The following CAMKMT variants were observed in gnomAD, a reference collection of about 807,000 sequenced individuals.
The protein encoded by CAMKMT is calmodulin-lysine N-methyltransferase.
Under a neutral mutation model 48.0 loss-of-function variants are expected in CAMKMT, and 53 were observed. The observed-to-expected ratio is 1.10, with a 90% CI of 0.89 to 1.39. The LOEUF (loss-of-function observed/expected upper bound fraction) is 1.39, where lower values mean the gene tolerates loss of function less well. CAMKMT is among the 40% of genes most tolerant of loss of function. The probability of loss-of-function intolerance (pLI) is 0.00; values close to 1 mark genes in which losing one functional copy is unlikely to be tolerated. For synonymous variants in CAMKMT, 165 were observed against 152.3 expected, an observed-to-expected ratio of 1.08 and a Z score of -0.61; for missense variants, 428 against 402.7, an observed-to-expected ratio of 1.06 and a Z score of -0.54.
At position 44,397,690 on chromosome 2, in the gene CAMKMT, G is replaced by A. The variant is rs536173391; in HGVS notation, c.376+7385G>A. 3.0e-4 allele frequency among the ~76,000 whole-genome samples: 45 copies of A among 151,772 alleles called. No homozygotes were observed. In the South Asian group the frequency reaches 5.0e-3, roughly 17 times the overall value. Reference sequence around the variant, plus strand: ...ACATTTGTTATCAATTACCAGAGAAGGAAAAAGACACATTTGTTATCAATT... The same window carrying A: ...ACATTTGTTATCAATTACCAGAGAAAGAAAAAGACACATTTGTTATCAATT... On this transcript the variant is annotated intron_variant, in intron 3 of 10. Transcript: ENST00000378494.
chr2:44,518,640 T>C (rs2104790188), intron 3 of CAMKMT, among the ~76,000 whole-genome samples: 1 of 152,344 alleles, frequency 6.6e-6, no homozygotes, highest in South Asian at 2.1e-4. Flanking sequence ...AAACCGAAGA[T>C]ATGTGGAAAA....
intron 3 of CAMKMT, among the ~76,000 whole-genome samples, chr2:44,481,472 C>A (rs767452441): frequency 6.6e-6 from 1 of 151,892 alleles, no homozygotes; most frequent in Non-Finnish European, 1.5e-5. Context: ...ATTTTGAACA[C>A]CAAGATATGA....
rs1211712660 is a variant in CAMKMT, at chr2:44,667,360, G to A, written c.377-36923G>A. ...CCCTGAGGACCCTGCTTCCCTTGCT[G>A]CCCTCTCAGCAGCTGAAGAGGTTTC... On this transcript the variant is annotated intron_variant, in intron 3 of 10. Transcript: ENST00000378494. Among the ~76,000 whole-genome samples the A allele has an allele frequency of 2.0e-5, 3 of 152,130 alleles. No individual in the cohort carries two copies. The East Asian group carries it at 5.8e-4, about 29-fold the overall frequency.
At chr2:44,608,450 A>G (rs930581539) in intron 3 of CAMKMT, among the ~76,000 whole-genome samples, 7 of 152,228 alleles carry the variant, frequency 4.6e-5, no homozygotes, top group African/African-American at 1.4e-4. Context: ...TGGGGCACCT[A>G]TTGACATTTC....
At chr2:44,565,861 G>A (rs957349902) in intron 3 of CAMKMT, among the ~76,000 whole-genome samples, 1 of 152,138 alleles carries the variant, frequency 6.6e-6, no homozygotes, top group Non-Finnish European at 1.5e-5. Context: ...AAGGCTGACT[G>A]TTCTAAAGTT....
rs548666339 is a variant in CAMKMT at position 44,416,860 on chromosome 2, C to T, written c.376+26555C>T. ...AAATTGTTGGTATTACAGGTGTGAG[C>T]CACCGCACCTGGCCAGCATGATGTT... On this transcript the variant is annotated intron_variant, in intron 3 of 10. Transcript: ENST00000378494. 1.1e-4 allele frequency among the ~76,000 whole-genome samples: 16 copies of T among 152,156 alleles called. No individual in the cohort carries two copies. In the South Asian group the frequency reaches 3.3e-3, roughly 32 times the overall value.
At chr2:44,670,480 C>T (rs1675262989) in intron 3 of CAMKMT, among the ~76,000 whole-genome samples, 1 of 151,958 alleles carries the variant, frequency 6.6e-6, no homozygotes, top group Admixed American at 6.5e-5. Flanking sequence ...GCGAGATCTT[C>T]TCTCTAAAAA....
intron 3 of CAMKMT, among the ~76,000 whole-genome samples, chr2:44,619,355 T>C (rs1041893885): frequency 1.3e-5 from 2 of 152,174 alleles, no homozygotes; most frequent in Admixed American, 1.3e-4. Flanking sequence ...AAGTTTTTGG[T>C]ATTTAGTAGG....
intron 3 of CAMKMT, among the ~76,000 whole-genome samples, chr2:44,586,786 T>C (rs2341461): frequency 0.63 from 95,055 of 152,076 alleles, 30,187 homozygotes; most frequent in Admixed American, 0.69. Context: ...TAGAATCTTT[T>C]ATTTAGACAT....
intron 1 of CAMKMT, among the ~76,000 whole-genome samples, chr2:44,367,654 G>A (rs1161055182): frequency 8.1e-6 from 1 of 122,810 alleles, no homozygotes; most frequent in Non-Finnish European, 1.5e-5. Context: ...CTCTCTGGCA[G>A]GCAGATATAA....
At chr2:44,741,792 A>C (rs1165224878) in intron 7 of CAMKMT, among the ~76,000 whole-genome samples, 1 of 152,146 alleles carries the variant, frequency 6.6e-6, no homozygotes, top group East Asian at 1.9e-4. Context: ...TTAGACCCCT[A>C]TCTCTCCAGT....
At chr2:44,765,297 T>C (rs1013288557) in intron 9 of CAMKMT, among the ~76,000 whole-genome samples, 1 of 152,034 alleles carries the variant, frequency 6.6e-6, no homozygotes, top group African/African-American at 2.4e-5. Context: ...ACACTATACC[T>C]ACAACATAGA....
At chr2:44,398,756 G>A (rs551645485) in intron 3 of CAMKMT, among the ~76,000 whole-genome samples, 3 of 151,918 alleles carry the variant, frequency 2.0e-5, no homozygotes, top group Admixed American at 6.5e-5. Flanking sequence ...TTTTAACAAA[G>A]TTGTTTGGAT....
intron 3 of CAMKMT, among the ~76,000 whole-genome samples, chr2:44,678,340 A>G (rs1243053515): frequency 1.3e-5 from 2 of 152,198 alleles, no homozygotes; most frequent in African/African-American, 4.8e-5. Context: ...AGGTCTAGCC[A>G]TGTCTGTACT....
chr2:44,717,282 T>C (rs1678224134), intron 7 of CAMKMT, among the ~76,000 whole-genome samples: 1 of 152,170 alleles, frequency 6.6e-6, no homozygotes, highest in African/African-American at 2.4e-5. Flanking sequence ...TGTGGTCAGT[T>C]TCTTTTCTTT....
At chr2:44,708,424 G>C (rs1677685405) in intron 6 of CAMKMT, among the ~76,000 whole-genome samples, 1 of 151,642 alleles carries the variant, frequency 6.6e-6, no homozygotes, top group Non-Finnish European at 1.5e-5. Flanking sequence ...TCAAACAGGA[G>C]AAAGGAGGAA....
At position 44,520,136 on chromosome 2, in the gene CAMKMT, G is replaced by A. The variant is rs538430935; in HGVS notation, c.376+129831G>A. Among the ~76,000 whole-genome samples the A allele has an allele frequency of 2.5e-3, 382 of 152,094 alleles. 1 individual carries two copies. Among genetic ancestry groups the A allele is most frequent in the Non-Finnish European group, 4.5e-3 (304 of 67,976 alleles). ...CGGGAGGCTGAGGCAGGAGAATGGC[G>A]TGAACCTGGGAGGCGGAGCTTGCAG... On this transcript the variant is annotated intron_variant, in intron 3 of 10. Coordinates refer to ENST00000378494, the MANE Select transcript of CAMKMT (RefSeq NM_024766.5).
At chr2:44,549,174 A>G (rs564884203) in intron 3 of CAMKMT, among the ~76,000 whole-genome samples, 2 of 152,132 alleles carry the variant, frequency 1.3e-5, no homozygotes, top group East Asian at 3.9e-4. Context: ...AAAATGTTCT[A>G]TATTCATTTG....
chr2:44,745,006 C>T (rs1429841173), intron 8 of CAMKMT, among the ~76,000 whole-genome samples: 3 of 152,074 alleles, frequency 2.0e-5, no homozygotes, highest in Admixed American at 6.6e-5. Context: ...AAAACCTCAC[C>T]GTATGATTCG....
Sources: gnomAD v4.1 joint callset for allele counts (sites outside exome capture counted in the v4.1 genomes callset) on GRCh38, gnomAD v4.1.1 for gene constraint, MANE v1.5 for transcripts, NCBI Gene and HGNC (gene_info 2026-07-23, HGNC 2026-07-21) for gene names.